ZNF804B: variants seen among roughly 807,000 people sequenced by gnomAD.
ZNF804B encodes the protein zinc finger protein 804B.
Under a neutral mutation model 101.4 loss-of-function variants are expected in ZNF804B, and 80 were observed. That is an observed-to-expected ratio of 0.79 (90% CI 0.66 to 0.95). The LOEUF (loss-of-function observed/expected upper bound fraction) is 0.95. Among genes scored for constraint, ZNF804B ranks in the 40% least tolerant of loss-of-function variants. ZNF804B has a pLI of 0.00. For missense variants in ZNF804B, 1,673 were observed against 1,561.9 expected, an observed-to-expected ratio of 1.07 and a Z score of -1.20; for synonymous variants, 622 against 558.8, an observed-to-expected ratio of 1.11 and a Z score of -1.59.
At position 88,850,443 on chromosome 7, in the gene ZNF804B, G is replaced by A. The variant is rs10225011; in HGVS notation, c.108+90359G>A. On this transcript the variant is annotated intron_variant, in intron 1 of 3. Transcript: ENST00000333190. ...TATTCAGTAGAGTTCTGATCAGTGC[G>A]TGTATATGTGAAAATCATCTGAGAC... is the stretch of plus-strand genomic sequence containing the variant. Among the ~76,000 whole-genome samples the A allele has an allele frequency of 6.9e-3, 1,048 of 152,228 alleles. 8 individuals carry two copies. The highest frequency in any genetic ancestry group is 0.022 in the African/African-American group (898 of 41,540).
At chr7:88,982,002 T>A (rs913331083) in intron 1 of ZNF804B, among the ~76,000 whole-genome samples, 3 of 152,044 alleles carry the variant, frequency 2.0e-5, no homozygotes, top group Non-Finnish European at 4.4e-5. Context: ...TGTGGATAGT[T>A]ATTCAGTTTG....
At chr7:89,176,063 A>G (rs923524563) in intron 1 of ZNF804B, among the ~76,000 whole-genome samples, 4 of 151,966 alleles carry the variant, frequency 2.6e-5, no homozygotes, top group Non-Finnish European at 5.9e-5. Context: ...TCTCATGTCT[A>G]ATTGCTCTAA....
At chr7:89,150,873 A>T (rs1008095687) in intron 1 of ZNF804B, among the ~76,000 whole-genome samples, 1 of 152,108 alleles carries the variant, frequency 6.6e-6, no homozygotes, top group Non-Finnish European at 1.5e-5. Context: ...AGATATTGTG[A>T]GGCCTTTAGT....
At chr7:88,979,901 T>C (rs1458849490) in intron 1 of ZNF804B, among the ~76,000 whole-genome samples, 1 of 151,524 alleles carries the variant, frequency 6.6e-6, no homozygotes, top group Non-Finnish European at 1.5e-5. Context: ...GCTTCATTCT[T>C]TTCTTTTTTT....
intron 1 of ZNF804B, among the ~76,000 whole-genome samples, chr7:89,098,582 T>A (rs1484580664): frequency 6.6e-6 from 1 of 152,038 alleles, no homozygotes. Flanking sequence ...CATAACAACT[T>A]TTTTTAATGA....
At chr7:89,099,309 T>C (rs1790017648) in intron 1 of ZNF804B, among the ~76,000 whole-genome samples, 1 of 151,994 alleles carries the variant, frequency 6.6e-6, no homozygotes, top group Non-Finnish European at 1.5e-5. Context: ...AGGACAGCTA[T>C]ATACAAATAT....
chr7:88,847,621 A>G (rs1390015922), intron 1 of ZNF804B, among the ~76,000 whole-genome samples: 1 of 152,188 alleles, frequency 6.6e-6, no homozygotes, highest in East Asian at 1.9e-4. Flanking sequence ...GTTGGGGCTC[A>G]TATTATCTTC....
At chr7:89,321,811 A>G (rs1790825832) in intron 2 of ZNF804B, among the ~76,000 whole-genome samples, 2 of 152,172 alleles carry the variant, frequency 1.3e-5, no homozygotes, top group Non-Finnish European at 2.9e-5. Flanking sequence ...CTTTTAAAAT[A>G]AATACATTTT....
intron 1 of ZNF804B, among the ~76,000 whole-genome samples, chr7:88,813,112 A>G (rs988917349): frequency 6.6e-6 from 1 of 152,188 alleles, no homozygotes; most frequent in Non-Finnish European, 1.5e-5. Context: ...AAATTAAAAA[A>G]TAGTTTCCCA....
chr7:88,876,455 T>G (rs998025396), intron 1 of ZNF804B, among the ~76,000 whole-genome samples: 2 of 152,206 alleles, frequency 1.3e-5, no homozygotes, highest in Non-Finnish European at 2.9e-5. Context: ...CATCTATACC[T>G]TTATTTACAA....
intron 1 of ZNF804B, among the ~76,000 whole-genome samples, chr7:88,955,329 T>A (rs971516021): frequency 6.6e-6 from 1 of 151,530 alleles, no homozygotes; most frequent in East Asian, 2.0e-4. Context: ...AAAAGTATTA[T>A]TTTATCTACA....
chr7:89,050,052 T>G (rs367583393), intron 1 of ZNF804B, among the ~76,000 whole-genome samples: 1 of 152,194 alleles, frequency 6.6e-6, no homozygotes, highest in East Asian at 1.9e-4. Flanking sequence ...CTAGTCTAAG[T>G]AGATGGAAAA....
intron 1 of ZNF804B, among the ~76,000 whole-genome samples, chr7:89,192,579 A>G (rs961908330): frequency 1.3e-5 from 2 of 151,858 alleles, no homozygotes; most frequent in African/African-American, 4.8e-5. Context: ...TACCAGATGT[A>G]TATTACCATT....
intron 1 of ZNF804B, among the ~76,000 whole-genome samples, chr7:89,004,739 C>T (rs900938109): frequency 6.6e-6 from 1 of 151,774 alleles, no homozygotes; most frequent in Non-Finnish European, 1.5e-5. Flanking sequence ...TTACAGGGTC[C>T]TCCTTTTAGA....
chr7:89,323,505 A>G (rs1452549836), intron 2 of ZNF804B, among the ~76,000 whole-genome samples: 1 of 152,204 alleles, frequency 6.6e-6, no homozygotes, highest in Non-Finnish European at 1.5e-5. Context: ...ATAAAGGGAA[A>G]TTAATAATGT....
chr7:88,765,527 C>A (rs755243989), intron 1 of ZNF804B, among the ~76,000 whole-genome samples: 1 of 151,986 alleles, frequency 6.6e-6, no homozygotes, highest in African/African-American at 2.4e-5. Context: ...ATATATATCT[C>A]AAATAACTAT....
intron 1 of ZNF804B, among the ~76,000 whole-genome samples, chr7:89,094,442 C>T (rs1051674755): frequency 3.3e-5 from 5 of 152,102 alleles, no homozygotes; most frequent in Non-Finnish European, 7.3e-5. Flanking sequence ...CTTACGCCTA[C>T]TAAACATTGA....
At chr7:89,068,743 A>G (rs1014191735) in intron 1 of ZNF804B, among the ~76,000 whole-genome samples, 3 of 152,218 alleles carry the variant, frequency 2.0e-5, no homozygotes, top group Non-Finnish European at 4.4e-5. Flanking sequence ...TAAGCAGTAT[A>G]TGAATAGATT....
At chr7:89,182,152 T>C (rs7784997) in intron 1 of ZNF804B, among the ~76,000 whole-genome samples, 111,719 of 152,098 alleles carry the variant, frequency 0.73, 42,459 homozygotes, top group African/African-American at 0.92. Context: ...ATCATAGATA[T>C]TAAATCACTA....
Sources: allele counts gnomAD v4.1 joint callset (sites outside exome capture counted in the v4.1 genomes callset), GRCh38; gene constraint gnomAD v4.1.1; transcripts MANE v1.5; gene names NCBI Gene and HGNC (gene_info 2026-07-23, HGNC 2026-07-21).